CDK12: variants seen among roughly 807,000 people sequenced by gnomAD.
CDK12 encodes cyclin dependent kinase 12, also known as cyclin-dependent kinase 12.
A neutral mutation model predicts 133.8 loss-of-function variants in CDK12; 17 were observed. The ratio of observed to expected loss-of-function variants is 0.13; its 90% CI spans 0.09 to 0.19. The LOEUF (loss-of-function observed/expected upper bound fraction) is 0.19. Ranked by LOEUF, CDK12 falls within the 10% of genes least tolerant of loss-of-function variation. CDK12 has a pLI of 1.00. For synonymous variants in CDK12, 694 were observed against 683.6 expected (o/e 1.02, Z -0.24); for missense variants, 1,508 against 1,818.7 (o/e 0.83, Z 3.11).
At chr17:39,493,138 C>T (rs937307920) in intron 4 of CDK12, among the ~76,000 whole-genome samples, 4 of 148,788 alleles carry the variant, frequency 2.7e-5, no homozygotes, top group South Asian at 2.2e-4. Context: ...GATTACAGAC[C>T]GTGCGCAACC....
At chr17:39,566,266 T>C (rs997295483), downstream of CDK12, among the ~76,000 whole-genome samples, 1 of 152,148 alleles carries the variant, frequency 6.6e-6, no homozygotes, top group Non-Finnish European at 1.5e-5. Context: ...GGCTTAGGAA[T>C]GTCCCTTCCC....
chr17:39,530,915 T>C lies in CDK12; in HGVS notation c.4072T>C (p.Ser1358Pro). ...TGCCATTGACACTGATGAACGAAACTCTGGTCCAGCCTTGACAGAATCCTT... is the reference window on the plus strand; with the variant it reads ...TGCCATTGACACTGATGAACGAAACCCTGGTCCAGCCTTGACAGAATCCTT... Reference protein sequence around the residue: ...FSAIDTDERNSGPALTESLVQ... With the variant: ...FSAIDTDERNPGPALTESLVQ... Residue 1358 changes from serine to proline, a missense_variant, in exon 14 of 14, where the codon TCT (serine) becomes CCT (proline). This residue lies in a region of CDK12 where 399 missense variants were observed against 469.6 expected (regional missense o/e 0.85). Transcript: ENST00000447079. The C allele has an allele frequency of 6.2e-7, 1 of 1,614,148 alleles. No homozygotes were observed. The highest frequency in any genetic ancestry group is 8.5e-7 in the Non-Finnish European group (1 of 1,180,028).
At chr17:39,503,480 A>G (rs553827438) in intron 6 of CDK12, among the ~76,000 whole-genome samples, 1 of 152,312 alleles carries the variant, frequency 6.6e-6, no homozygotes, top group African/African-American at 2.4e-5. Flanking sequence ...CTTAATAGCT[A>G]TTAGCTTGCA....
At position 39,530,628 on chromosome 17, in the gene CDK12, C is replaced by G; in HGVS notation, c.3785C>G (p.Pro1262Arg). 6.2e-7 allele frequency: 1 copy of G among 1,602,946 alleles called. No individual in the cohort carries two copies. The highest frequency in any genetic ancestry group is 1.1e-5 in the South Asian group (1 of 90,162). The change falls in exon 14 of 14, where the codon CCA becomes CGA. Residue 1262 changes from proline (P) to arginine (R), a missense_variant. Transcript: ENST00000447079. The part of the protein sequence containing the change: ...AAACPPHILP[P>R]EKRPPEPPGP... ...GCATGTCCTCCTCACATTCTTCCAC[C>G]AGAGAAGAGGCCCCCTGAGCCCCCC...
intron 5 of CDK12, among the ~76,000 whole-genome samples, chr17:39,496,413 T>A (rs2052114108): frequency 6.6e-6 from 1 of 151,788 alleles, no homozygotes; most frequent in Non-Finnish European, 1.5e-5. Flanking sequence ...AAAAAAAAAA[T>A]AATAGGCCAG....
In CDK12 at chr17:39,471,256, C is replaced by T. The variant is rs371684674; in HGVS notation, c.1424C>T (p.Ser475Phe). The change falls in exon 2 of 14, where the codon TCT (serine) becomes TTT (phenylalanine). Residue 475 changes from serine (S) to phenylalanine (F), a missense_variant. Ser to Phe is a radical substitution (Grantham distance 155). Around this residue, in one of 9 missense-constraint regions of CDK12, gnomAD observed 347 missense variants for 330.8 expected, o/e 1.05. Coordinates refer to ENST00000447079, the MANE Select transcript of CDK12 (RefSeq NM_016507.4). ...CATCTAAACACAGAGGTAAAAAATT[C>T]TTCAGATACAGGGAAAGTAAAGTTG... is the stretch of plus-strand genomic sequence containing the variant. ...VTHLNTEVKN[S>F]SDTGKVKLDE... 11 of 1,609,948 alleles carry T rather than the reference C, an allele frequency of 6.8e-6. No individual in the cohort carries two copies. In the South Asian group the frequency reaches 1.1e-4, roughly 16 times the overall value.
At chr17:39,558,696 T>C (rs946994081) in intron 3 of CDK12, among the ~76,000 whole-genome samples, 8 of 152,190 alleles carry the variant, frequency 5.3e-5, no homozygotes, top group African/African-American at 1.7e-4. Context: ...CAGGCTGGAG[T>C]GCAATGGTGC....
intron 8 of CDK12, among the ~76,000 whole-genome samples, chr17:39,512,853 A>G (rs1378666538): frequency 1.3e-5 from 2 of 152,246 alleles, no homozygotes; most frequent in Admixed American, 6.5e-5. Context: ...AAGATGACCA[A>G]TGAAAAATGT....
chr17:39,532,502 T>C lies in CDK12; in HGVS notation c.*1186T>C, dbSNP rs531930641. The C allele has an allele frequency of 2.2e-4, 52 of 231,912 alleles. No homozygotes were observed. The highest frequency in any genetic ancestry group is 1.3e-3 in the Middle Eastern group (1 of 782). The allele number at this position is 231,912 out of a possible 1,614,324, so 14.4% of individuals were successfully genotyped here. On this transcript the variant is annotated 3_prime_UTR_variant, in exon 14 of 14. Transcript: ENST00000447079. Reference sequence around the variant, plus strand: ...ACCTTTCAAACAGAGCATTGTGATATTGTCAAAGAGAAAAACAAATCCTGA... The same window carrying C: ...ACCTTTCAAACAGAGCATTGTGATACTGTCAAAGAGAAAAACAAATCCTGA...
Position 39,511,541 on chromosome 17 carries a change from A to C in CDK12, c.2679A>C (p.Thr893=), listed in dbSNP as rs2053508115. 3.1e-6 allele frequency: 5 copies of C among 1,607,354 alleles called. No individual in the cohort carries two copies. Among genetic ancestry groups the C allele is most frequent in the Non-Finnish European group, 3.4e-6 (4 of 1,174,616 alleles). ...LYNSEESRPY[T]NKVITLWYRP... The stretch of plus-strand genomic sequence containing the variant: ...TTTTATATTTCAGTCGCCCTTACAC[A>C]AACAAAGTCATTACTTTGTGGTACC... The change falls in exon 8 of 14, where the codon ACA becomes ACC. Residue 893 remains threonine (T), a synonymous_variant. Transcript: ENST00000447079.
At chr17:39,536,448 G>A (rs570829561), downstream of CDK12, among the ~76,000 whole-genome samples, 25 of 152,254 alleles carry the variant, frequency 1.6e-4, no homozygotes, top group South Asian at 5.2e-3. Context: ...TTTGTGTTAT[G>A]TAGGGTACAA....
intron 10 of CDK12, among the ~76,000 whole-genome samples, chr17:39,519,048 C>G (rs532228717): frequency 6.6e-6 from 1 of 151,290 alleles, no homozygotes; most frequent in Admixed American, 6.6e-5. Flanking sequence ...ATTACTGGCA[C>G]GTGCCACCAC....
At position 39,497,482 on chromosome 17, in the gene CDK12, G is replaced by T. The variant is rs191754202; in HGVS notation, c.2419+2788G>T. On this transcript the variant is annotated intron_variant, in intron 5 of 13. Transcript: ENST00000447079. The stretch of plus-strand genomic sequence containing the variant: ...TGTTTGAACCCGGGAGGTAGAGATT[G>T]CAGTGAGCCGAGATTGAGTTACTGC... Among the ~76,000 whole-genome samples, 638 of 151,680 alleles carry T rather than the reference G, an allele frequency of 4.2e-3. 6 individuals are homozygous for T. The highest frequency in any genetic ancestry group is 0.015 in the African/African-American group (607 of 41,350).
intron 13 of CDK12, among the ~76,000 whole-genome samples, chr17:39,528,418 C>A (rs1206592165): frequency 6.6e-6 from 1 of 152,064 alleles, no homozygotes; most frequent in East Asian, 1.9e-4. Flanking sequence ...ATTGCAAACC[C>A]TACCTCCCAG....
At chr17:39,463,250 C>G in intron 1 of CDK12, 133 bp downstream of exon 1, 1 of 775,084 alleles carries the variant, frequency 1.3e-6, no homozygotes, top group South Asian at 1.8e-5. Flanking sequence ...GCTAGTCATT[C>G]CAGTGTGTGA....
At chr17:39,528,522 A>G (rs761313754) in intron 13 of CDK12, among the ~76,000 whole-genome samples, 6 of 151,926 alleles carry the variant, frequency 3.9e-5, no homozygotes, top group Non-Finnish European at 5.9e-5. Flanking sequence ...TTTAGTAGAG[A>G]CGGGGTTTCA....
chr17:39,525,775 A>G lies in CDK12; in HGVS notation c.3308-89A>G, dbSNP rs1248685273. ...TTTAAAATGAAATTTCATTTTTTGGATATTGTAAGTTGCTGTTGCCAGTTG... is the reference window on the plus strand; with the variant it reads ...TTTAAAATGAAATTTCATTTTTTGGGTATTGTAAGTTGCTGTTGCCAGTTG... On this transcript the variant is annotated intron_variant, in intron 12 of 13. Coordinates refer to ENST00000447079, the MANE Select transcript of CDK12 (RefSeq NM_016507.4). 8.9e-6 allele frequency: 8 copies of G among 898,014 alleles called. No homozygotes were observed. In the African/African-American group the frequency reaches 1.3e-4, roughly 15 times the overall value. The allele number at this position is 898,014 out of a possible 1,614,324, so 55.6% of individuals were successfully genotyped here. A position where few individuals can be genotyped will look rare whatever the true frequency, so the allele number is the denominator to read the frequency against.
intron 2 of CDK12, among the ~76,000 whole-genome samples, chr17:39,489,888 C>T (rs988112384): frequency 6.7e-6 from 1 of 150,124 alleles, no homozygotes; most frequent in Non-Finnish European, 1.5e-5. Context: ...AATCCTCTTG[C>T]CTCAGCCTCC....
At chr17:39,521,471 C>T (rs922966918) in intron 11 of CDK12, among the ~76,000 whole-genome samples, 2 of 152,094 alleles carry the variant, frequency 1.3e-5, no homozygotes, top group Non-Finnish European at 2.9e-5. Context: ...TCACGTTGGC[C>T]GGGCTGATCT....
Sources: allele counts gnomAD v4.1 joint callset (sites outside exome capture counted in the v4.1 genomes callset), GRCh38; gene constraint gnomAD v4.1.1; regional missense constraint gnomAD v4.1.1; transcripts MANE v1.5; gene names NCBI Gene and HGNC (gene_info 2026-07-23, HGNC 2026-07-21).